The following CMKLR2 variants were observed in gnomAD, a reference collection of about 807,000 sequenced individuals.
The protein encoded by CMKLR2 is chemerin chemokine-like receptor 2, also known as chemerin-like receptor 2.
In CMKLR2, 18 loss-of-function variants were observed where a neutral mutation model predicts 23.0. The observed-to-expected ratio is 0.78, with a 90% CI of 0.54 to 1.16. CMKLR2 has a LOEUF of 1.16. Among genes scored for constraint, CMKLR2 ranks in the 50% most tolerant of loss-of-function variants. CMKLR2 has a pLI of 0.00. For synonymous variants in CMKLR2, 158 were observed against 158.9 expected (o/e 0.99, Z 0.05); for missense variants, 401 against 412.7 (o/e 0.97, Z 0.25).
At chr2:206,195,003 G>A (rs941560035) in intron 1 of CMKLR2, among the ~76,000 whole-genome samples, 29 of 151,852 alleles carry the variant, frequency 1.9e-4, no homozygotes, top group African/African-American at 3.9e-4. Flanking sequence ...TGATCTGCCC[G>A]CCTCAGCCTC....
At chr2:206,185,356 G>A (rs1451778490) in intron 1 of CMKLR2, among the ~76,000 whole-genome samples, 4 of 152,180 alleles carry the variant, frequency 2.6e-5, no homozygotes, top group African/African-American at 9.7e-5. Context: ...CTTGACAGAG[G>A]TGAGGGAATT....
At position 206,187,825 on chromosome 2, in the gene CMKLR2, A is replaced by T. The variant is rs117922874; in HGVS notation, c.-28-10550T>A. Among the ~76,000 whole-genome samples, 101 of 152,276 alleles carry T rather than the reference A, an allele frequency of 6.6e-4. 1 individual carries two copies. In the East Asian group the frequency reaches 0.019, roughly 29 times the overall value. ...GAAGGATCAGAGGTGAATAGGAGGG[A>T]TGTCTGGGCAATAGAAAGAAGCTGT... On this transcript the variant is annotated intron_variant, in intron 1 of 1. Transcript: ENST00000621141.
intron 1 of CMKLR2, among the ~76,000 whole-genome samples, chr2:206,187,383 G>C (rs1688614837): frequency 6.6e-6 from 1 of 152,216 alleles, no homozygotes. Flanking sequence ...CTTTGGGGCA[G>C]AGCACAGCTT....
upstream of CMKLR2, chr2:206,217,766 A>G (rs1359174330): frequency 6.6e-6 from 1 of 152,220 alleles, no homozygotes; most frequent in Non-Finnish European, 1.5e-5. Context: ...GACACAAGGC[A>G]TGCGCGGGGT....
In CMKLR2 at chr2:206,176,238, C is replaced by G. The variant is rs755868010; in HGVS notation, c.1010G>C (p.Ser337Thr). ...LWEVSCSGTV[S>T]EQLRNSETKN... is the part of the protein sequence containing the mutation. ...GGTTTCTGAGTTCCTGAGCTGTTCA[C>G]TCACTGTGCCAGAACAGCTGACTTC... Residue 337 changes from serine (S) to threonine (T), a missense_variant, in exon 2 of 2, where the codon AGT (serine) becomes ACT (threonine). Transcript: ENST00000621141. 1 of 1,614,174 alleles carries G rather than the reference C, an allele frequency of 6.2e-7. No individual in the cohort carries two copies. Among genetic ancestry groups the G allele is most frequent in the South Asian group, 1.1e-5 (1 of 91,074 alleles).
chr2:206,196,391 A>AAAATAAATAAAT (rs145895468), intron 1 of CMKLR2, among the ~76,000 whole-genome samples: 12,130 of 151,180 alleles, frequency 0.08, 651 homozygotes, highest in Admixed American at 0.18. Flanking sequence ...AATAAAAATA[A>AAAATAAATAAAT]AAATAAATAA....
intron 1 of CMKLR2, among the ~76,000 whole-genome samples, chr2:206,178,730 C>T (rs538803582): frequency 6.6e-6 from 1 of 152,176 alleles, no homozygotes; most frequent in South Asian, 2.1e-4. Flanking sequence ...CTCACTGTAG[C>T]CTTTGCTTCC....
At chr2:206,177,308 T>A (rs926030759) in intron 1 of CMKLR2, 33 bp from the exon 2 acceptor site, 25 of 1,059,530 alleles carry the variant, frequency 2.4e-5, no homozygotes, top group Admixed American at 1.3e-4. Context: ...AAAGAAAAAA[T>A]TTTAAAAGAA....
At chr2:206,192,820 G>A (rs1291555836) in intron 1 of CMKLR2, among the ~76,000 whole-genome samples, 4 of 151,990 alleles carry the variant, frequency 2.6e-5, no homozygotes, top group Non-Finnish European at 5.9e-5. Context: ...TTGGTTTCAG[G>A]ACCTCCCACA....
At chr2:206,214,281 C>T (rs1458470588), upstream of CMKLR2, among the ~76,000 whole-genome samples, 6 of 148,592 alleles carry the variant, frequency 4.0e-5, no homozygotes, top group Non-Finnish European at 7.4e-5. Context: ...AAGGAATTAT[C>T]CTGCGTCAGC....
At chr2:206,203,865 A>T (rs907044424) in intron 1 of CMKLR2, 1 of 152,204 alleles carries the variant, frequency 6.6e-6, no homozygotes, top group Non-Finnish European at 1.5e-5. Flanking sequence ...CAGCATAGAT[A>T]CTAAATCAAA....
chr2:206,193,632 G>A (rs548712184), intron 1 of CMKLR2, among the ~76,000 whole-genome samples: 5 of 152,250 alleles, frequency 3.3e-5, no homozygotes, highest in African/African-American at 1.2e-4. Flanking sequence ...GCAATGTTAT[G>A]TATCGTAACG....
chr2:206,190,177 T>C (rs1688705214), intron 1 of CMKLR2, among the ~76,000 whole-genome samples: 2 of 152,168 alleles, frequency 1.3e-5, no homozygotes. Flanking sequence ...TATTACTTAA[T>C]GCCAGGCATT....
chr2:206,176,459 G>A lies in CMKLR2; in HGVS notation c.789C>T (p.His263=). ...TGGTGAGCTCCCAAATGCTAAACAG[G>A]TGATAAGGAGTCCAGCAAACCACAA... ...VAFVVCWTPY[H]LFSIWELTIH... Residue 263 remains histidine, a synonymous_variant, in exon 2 of 2, where the codon CAC becomes CAT. Coordinates refer to ENST00000621141, the MANE Select transcript of CMKLR2 (RefSeq NM_001389445.1). The A allele has an allele frequency of 6.2e-7, 1 of 1,614,148 alleles. No individual in the cohort carries two copies. Among genetic ancestry groups the A allele is most frequent in the Non-Finnish European group, 8.5e-7 (1 of 1,180,024 alleles).
Position 206,176,301 on chromosome 2 carries a change from C to A in CMKLR2, c.947G>T (p.Arg316Leu), listed in dbSNP as rs1487749554. 1 of 1,614,110 alleles carries A rather than the reference C, an allele frequency of 6.2e-7. No homozygotes were observed. Among genetic ancestry groups the A allele is most frequent in the Middle Eastern group, 1.6e-4 (1 of 6,062 alleles). Residue 316 changes from arginine (R) to leucine (L), a missense_variant, in exon 2 of 2, where the codon CGG becomes CTG. By Grantham distance (102) the Arg-to-Leu change is moderately radical (BLOSUM62 -2). Coordinates refer to ENST00000621141, the MANE Select transcript of CMKLR2 (RefSeq NM_001389445.1). ...LISKKFQARF[R>L]SSVAEILKYT... Reference sequence around the variant, plus strand: ...CTTGAGTATCTCAGCAACTGAGGACCGGAAGCGAGCTTGGAACTTCTTACT... The same window carrying A: ...CTTGAGTATCTCAGCAACTGAGGACAGGAAGCGAGCTTGGAACTTCTTACT...
intron 1 of CMKLR2, among the ~76,000 whole-genome samples, chr2:206,178,379 T>C (rs1688298197): frequency 6.6e-6 from 1 of 152,208 alleles, no homozygotes; most frequent in Admixed American, 6.5e-5. Context: ...ACTGGAGATT[T>C]TGACCTGAGA....
intron 1 of CMKLR2, among the ~76,000 whole-genome samples, chr2:206,202,806 A>T (rs1689148331): frequency 6.6e-6 from 1 of 152,060 alleles, no homozygotes; most frequent in African/African-American, 2.4e-5. Context: ...GTGTCTCGGT[A>T]CACGTGGCAC....
At chr2:206,177,941 C>G (rs1264462849) in intron 1 of CMKLR2, among the ~76,000 whole-genome samples, 1 of 152,060 alleles carries the variant, frequency 6.6e-6, no homozygotes, top group African/African-American at 2.4e-5. Context: ...ATGGCAGATG[C>G]AAAAGAAAAC....
At chr2:206,188,626 T>C (rs934199974) in intron 1 of CMKLR2, among the ~76,000 whole-genome samples, 10 of 152,210 alleles carry the variant, frequency 6.6e-5, no homozygotes, top group African/African-American at 2.4e-4. Context: ...AGAACCTCTA[T>C]GAAGTCTCTG....
Sources: allele counts gnomAD v4.1 joint callset (sites outside exome capture counted in the v4.1 genomes callset), GRCh38; gene constraint gnomAD v4.1.1; transcripts MANE v1.5; gene names NCBI Gene and HGNC (gene_info 2026-07-23, HGNC 2026-07-21).